Variants in NT5C1B observed in about 807,000 individuals in gnomAD.
The protein encoded by NT5C1B is cytosolic 5'-nucleotidase 1B.
Under a neutral mutation model 57.8 loss-of-function variants are expected in NT5C1B, and 44 were observed. The observed-to-expected ratio is 0.76, with a 90% confidence interval of 0.60 to 0.98. NT5C1B has a LOEUF of 0.98. Ranked by LOEUF, NT5C1B falls within the 50% of genes least tolerant of loss-of-function variation. NT5C1B has a pLI of 0.00. For missense variants in NT5C1B, 742 were observed against 719.5 expected (o/e 1.03, Z -0.36); for synonymous variants, 284 against 282.6 (o/e 1.00, Z -0.05).
rs78973336 is a variant in NT5C1B at position 18,585,903 on chromosome 2, C to G, written c.258+351G>C. On this transcript the variant is annotated intron_variant, in intron 3 of 8. Transcript: ENST00000304081. ...TCAAAGCCCCACACAATCTGACACTCTTTTTCTCTGGTGGTGACTATTTCC... is the reference window on the plus strand; with the variant it reads ...TCAAAGCCCCACACAATCTGACACTGTTTTTCTCTGGTGGTGACTATTTCC... 1.8e-3 allele frequency among the ~76,000 whole-genome samples: 274 copies of G among 152,214 alleles called. 2 individuals carry two copies. The highest frequency in any genetic ancestry group is 3.5e-3 in the Non-Finnish European group (236 of 68,002).
rs138883415 is a variant in NT5C1B, at chr2:18,584,144, G to C, written c.835C>G (p.Gln279Glu). The C allele has an allele frequency of 1.2e-6, 2 of 1,614,152 alleles. No homozygotes were observed. The highest frequency in any genetic ancestry group is 1.3e-5 in the African/African-American group (1 of 75,018). Reference sequence around the variant, plus strand: ...AGGATGACGTTCTCATTGGTGAGCTGATACTCCATGTACTTTTCCAGACCC... The same window carrying C: ...AGGATGACGTTCTCATTGGTGAGCTCATACTCCATGTACTTTTCCAGACCC... Residue 279 changes from glutamine to glutamate, a missense_variant, in exon 5 of 9, where the codon CAG becomes GAG. By Grantham distance (29) the Gln-to-Glu change is conservative (BLOSUM62 2). Transcript: ENST00000304081. The surrounding 1 kb of genome is among the most constrained non-coding windows in gnomAD (Gnocchi z 5.8).
At chr2:18,587,129 G>A (rs757547617) in intron 2 of NT5C1B, 2 of 1,614,076 alleles carry the variant, frequency 1.2e-6, no homozygotes, top group Non-Finnish European at 8.5e-7. Context: ...GACCCTGGAA[G>A]GGGCAACATC....
Position 18,584,359 on chromosome 2 carries a change from T to A in NT5C1B, c.724-104A>T, listed in dbSNP as rs1666474043. 1 of 1,547,036 alleles carries A rather than the reference T, an allele frequency of 6.5e-7. No homozygotes were observed. The highest frequency in any genetic ancestry group is 1.9e-5 in the Admixed American group (1 of 53,248). ...GAGAGTAGGACAGCGGGCCCCTGCT[T>A]GGAGAAGCGGGATGCTGGAGACAGC... On this transcript the variant is annotated intron_variant, in intron 4 of 8. Transcript: ENST00000304081. The surrounding 1 kb of genome is among the most constrained non-coding windows in gnomAD (Gnocchi z 5.8).
intron 5 of NT5C1B, chr2:18,583,239 G>A: frequency 2.9e-6 from 1 of 348,990 alleles, no homozygotes; most frequent in South Asian, 5.8e-5. Flanking sequence ...TTCCACTTTG[G>A]GTTCACTAGA....
chr2:18,569,093 A>C (rs1264395568), intron 8 of NT5C1B, among the ~76,000 whole-genome samples: 1 of 152,256 alleles, frequency 6.6e-6, no homozygotes. Context: ...ACTGTAGCAC[A>C]AAACATGAGA....
intron 8 of NT5C1B, among the ~76,000 whole-genome samples, chr2:18,564,960 T>C (rs1017232753): frequency 6.6e-6 from 1 of 152,178 alleles, no homozygotes; most frequent in African/African-American, 2.4e-5. Context: ...ATCCCAGATC[T>C]ATTATTCTTC....
intron 1 of NT5C1B, among the ~76,000 whole-genome samples, chr2:18,588,809 T>C (rs1015077280): frequency 2.0e-5 from 3 of 152,188 alleles, no homozygotes; most frequent in African/African-American, 7.2e-5. Context: ...GGATAAACAC[T>C]TTCTTCACTT....
intron 6 of NT5C1B, among the ~76,000 whole-genome samples, chr2:18,580,471 C>T (rs929109984): frequency 3.3e-5 from 5 of 151,986 alleles, no homozygotes; most frequent in Admixed American, 1.3e-4. Flanking sequence ...CAAAATTAGT[C>T]GGGCGTGGTG....
chr2:18,572,044 C>G (rs1451624271), intron 8 of NT5C1B, among the ~76,000 whole-genome samples: 1 of 143,994 alleles, frequency 6.9e-6, no homozygotes, highest in African/African-American at 2.6e-5. Flanking sequence ...CGAGATCATG[C>G]CATTGCATTC....
intron 8 of NT5C1B, among the ~76,000 whole-genome samples, chr2:18,571,563 T>G (rs1249000236): frequency 6.6e-6 from 1 of 151,418 alleles, no homozygotes; most frequent in Non-Finnish European, 1.5e-5. Flanking sequence ...GACTTAATAT[T>G]GTTAAGATAT....
chr2:18,589,414 A>G, intron 1 of NT5C1B, 25 bp downstream of exon 1: 5 of 1,614,116 alleles, frequency 3.1e-6, no homozygotes, highest in Non-Finnish European at 4.2e-6. Context: ...CCATGGCAAG[A>G]TTCTAAGACA....
intron 8 of NT5C1B, among the ~76,000 whole-genome samples, chr2:18,565,492 A>C (rs946084869): frequency 3.9e-5 from 6 of 152,132 alleles, no homozygotes; most frequent in African/African-American, 1.2e-4. Context: ...GATTCTCCAC[A>C]AGATCTTATA....
At chr2:18,573,895 C>G (rs1035875794) in intron 8 of NT5C1B, among the ~76,000 whole-genome samples, 2 of 151,992 alleles carry the variant, frequency 1.3e-5, no homozygotes, top group Non-Finnish European at 2.9e-5. Flanking sequence ...TTGAGTATTC[C>G]TGCAATAAGT....
chr2:18,572,411 A>G (rs1665288529), intron 8 of NT5C1B, among the ~76,000 whole-genome samples: 1 of 152,234 alleles, frequency 6.6e-6, no homozygotes, highest in African/African-American at 2.4e-5. Context: ...TATGACATTA[A>G]AAGCACAATT....
At chr2:18,588,323 T>C (rs898750243) in intron 1 of NT5C1B, among the ~76,000 whole-genome samples, 1 of 152,212 alleles carries the variant, frequency 6.6e-6, no homozygotes, top group African/African-American at 2.4e-5. Flanking sequence ...AGCTGCAATG[T>C]GATCAAGATT....
chr2:18,568,012 A>G (rs565790858), intron 8 of NT5C1B, among the ~76,000 whole-genome samples: 15 of 152,058 alleles, frequency 9.9e-5, no homozygotes, highest in African/African-American at 3.6e-4. Flanking sequence ...ACAGGTCAAT[A>G]GAAATTGCCC....
chr2:18,585,611 G>C (rs17701334), intron 3 of NT5C1B, among the ~76,000 whole-genome samples: 7,046 of 152,204 alleles, frequency 0.046, 296 homozygotes, highest in Admixed American at 0.11. Flanking sequence ...AAATAGGGAA[G>C]GGCCATTCTA....
chr2:18,587,369 T>C, intron 2 of NT5C1B, 134 bp downstream of exon 2: 1 of 1,497,446 alleles, frequency 6.7e-7, no homozygotes, highest in East Asian at 2.3e-5. Context: ...AACCTTCTCA[T>C]GAGGACATTA....
intron 8 of NT5C1B, among the ~76,000 whole-genome samples, chr2:18,571,598 A>T (rs978082160): frequency 2.0e-5 from 3 of 151,220 alleles, no homozygotes; most frequent in Non-Finnish European, 4.4e-5. Context: ...TCTAGCTATA[A>T]ATAAAATAAA....
Sources: gnomAD v4.1 joint callset for allele counts (sites outside exome capture counted in the v4.1 genomes callset) on GRCh38, gnomAD v4.1.1 for gene constraint, Gnocchi (gnomAD v3.1) non-coding constraint, MANE v1.5 for transcripts, NCBI Gene and HGNC (gene_info 2026-07-23, HGNC 2026-07-21) for gene names.